Variants in USH2A observed in about 807,000 individuals in gnomAD.
USH2A encodes usherin, also known as Usher syndrome 2A (autosomal recessive, mild).
A neutral mutation model predicts 538.9 loss-of-function variants in USH2A; 443 were observed. The ratio of observed to expected loss-of-function variants is 0.82; its 90% confidence interval spans 0.76 to 0.89. USH2A has a LOEUF of 0.89. USH2A is among the 40% of genes least tolerant of loss of function. The probability of loss-of-function intolerance (pLI) is 0.00; values close to 1 mark genes in which losing one functional copy is unlikely to be tolerated. For missense variants in USH2A, 6,633 were observed against 6,324.8 expected, an observed-to-expected ratio of 1.05 and a Z score of -1.65; for synonymous variants, 2,413 against 2,273.5, an observed-to-expected ratio of 1.06 and a Z score of -1.75.
chr1:216,229,811 T>C (rs938336235), intron 14 of USH2A, among the ~76,000 whole-genome samples: 4 of 151,970 alleles, frequency 2.6e-5, no homozygotes, highest in African/African-American at 9.7e-5. Flanking sequence ...CAATTCTTGT[T>C]CCTGGACTAA....
At position 215,623,964 on chromosome 1, in the gene USH2A, T is replaced by G. The variant is rs1186960241; in HGVS notation, c.*1817A>C. On this transcript the variant is annotated 3_prime_UTR_variant, in exon 72 of 72. Coordinates refer to ENST00000307340, the MANE Select transcript of USH2A (RefSeq NM_206933.4). ...TGTGACCACTCCTTTCCTATATACC[T>G]TAAGTAGCTCACAGAAGGTGGACAC... is the stretch of plus-strand genomic sequence containing the variant. The G allele has an allele frequency of 6.6e-6, 1 of 152,164 alleles. No homozygotes were observed. The highest frequency in any genetic ancestry group is 1.5e-5 in the Non-Finnish European group (1 of 68,026). The allele number at this position is 152,164 out of a possible 1,614,324, so 9.4% of individuals were successfully genotyped here. A position where few individuals can be genotyped will look rare whatever the true frequency, so the allele number is the denominator to read the frequency against.
In USH2A at chr1:215,970,616, G is replaced by C. The variant is rs1667470197; in HGVS notation, c.6957+9C>G. 6.2e-7 allele frequency: 1 copy of C among 1,613,516 alleles called. No individual in the cohort carries two copies. The highest frequency in any genetic ancestry group is 1.7e-4 in the Middle Eastern group (1 of 6,054). On this transcript the variant is annotated intron_variant, in intron 36 of 71. Transcript: ENST00000307340. ...AACACATTCCTAGAATGTAAATTTAGATACTCACCAGTGGGCCCAGAGCAC... is the reference window on the plus strand; with the variant it reads ...AACACATTCCTAGAATGTAAATTTACATACTCACCAGTGGGCCCAGAGCAC...
intron 15 of USH2A, among the ~76,000 whole-genome samples, chr1:216,216,211 A>G (rs1335042080): frequency 1.3e-5 from 2 of 152,172 alleles, no homozygotes; most frequent in African/African-American, 2.4e-5. Context: ...GTATTTATAC[A>G]TGAAAGGAAT....
intron 61 of USH2A, among the ~76,000 whole-genome samples, chr1:215,721,422 T>C (rs1207829896): frequency 6.6e-6 from 1 of 152,144 alleles, no homozygotes; most frequent in African/African-American, 2.4e-5. Flanking sequence ...TAATCACCAG[T>C]TGCGTTGATC....
In USH2A at chr1:215,993,162, G is replaced by A. The variant is rs1668046134; in HGVS notation, c.6663C>T (p.Cys2221=). 1.2e-6 allele frequency: 2 copies of A among 1,613,992 alleles called. No individual in the cohort carries two copies. The highest frequency in any genetic ancestry group is 1.7e-6 in the Non-Finnish European group (2 of 1,179,954). Residue 2221 remains cysteine, a synonymous_variant, in exon 35 of 72, where the codon TGC becomes TGT. Transcript: ENST00000307340. ...GNKYLIKLGA[C]TGGGCTVSEA... is the part of the protein sequence containing the mutation. Reference sequence around the variant, plus strand: ...CACTCACTGTGCACCCACCACCTGTGCAAGCCTAAACAGAGATGCAAAAAT... The same window carrying A: ...CACTCACTGTGCACCCACCACCTGTACAAGCCTAAACAGAGATGCAAAAAT...
chr1:215,622,936 G>GTT lies in USH2A; in HGVS notation c.*2843_*2844dup, dbSNP rs1655839899. ...TATTAAGCAAACCATCTTTAGATTAGTTTACATGATATTTGTGCATTGGAA... is the reference window on the plus strand; with the variant it reads ...TATTAAGCAAACCATCTTTAGATTAGTTTTTACATGATATTTGTGCATTGGAA... On this transcript the variant is annotated 3_prime_UTR_variant, in exon 72 of 72. Transcript: ENST00000307340. The GTT allele has an allele frequency of 6.6e-6, 1 of 152,064 alleles. No individual in the cohort carries two copies. The highest frequency in any genetic ancestry group is 2.4e-5 in the African/African-American group (1 of 41,414). 9.4% of individuals were successfully genotyped at this position (152,064 alleles called of 1,614,324 possible).
chr1:216,119,224 G>T (rs301734), intron 21 of USH2A, among the ~76,000 whole-genome samples: 71,980 of 151,932 alleles, frequency 0.47, 17,461 homozygotes, highest in African/African-American at 0.51. Flanking sequence ...TATTCAATTT[G>T]GTAATGGTCT....
chr1:215,708,179 G>A (rs1369956760), intron 61 of USH2A, among the ~76,000 whole-genome samples: 1 of 152,082 alleles, frequency 6.6e-6, no homozygotes, highest in Non-Finnish European at 1.5e-5. Context: ...TCTGGAATCT[G>A]CTTTATTTTC....
intron 47 of USH2A, among the ~76,000 whole-genome samples, chr1:215,828,268 A>G (rs1663211038): frequency 1.3e-5 from 2 of 152,110 alleles, no homozygotes; most frequent in Non-Finnish European, 2.9e-5. Flanking sequence ...CCTGGGCGAC[A>G]CAGTGAGACC....
At chr1:216,362,035 T>C (rs1431479014) in intron 4 of USH2A, among the ~76,000 whole-genome samples, 1 of 152,182 alleles carries the variant, frequency 6.6e-6, no homozygotes, top group Admixed American at 6.6e-5. Context: ...ACGACTTTTT[T>C]TAAATGAGAG....
chr1:215,810,871 T>G (rs1476419732), intron 49 of USH2A, among the ~76,000 whole-genome samples: 12 of 152,208 alleles, frequency 7.9e-5, no homozygotes, highest in Admixed American at 6.5e-4. Flanking sequence ...TTACTAGAAC[T>G]TATTCAATTT....
chr1:216,290,958 G>A (rs369400401), intron 10 of USH2A, among the ~76,000 whole-genome samples: 20 of 152,050 alleles, frequency 1.3e-4, no homozygotes, highest in African/African-American at 3.1e-4. Context: ...CTCTCTATCC[G>A]TACCATCTGA....
chr1:215,803,944 C>T lies in USH2A; in HGVS notation c.9740-4819G>A, dbSNP rs1478977800. 2.0e-5 allele frequency among the ~76,000 whole-genome samples: 3 copies of T among 152,074 alleles called. No individual in the cohort carries two copies. The East Asian group carries it at 5.8e-4, about 29-fold the overall frequency. ...CTGGTACCAAAACAGAGATATAAAC[C>T]AAAGGAACAGAACAGAGCCCTCAGA... On this transcript the variant is annotated intron_variant, in intron 49 of 71. Transcript: ENST00000307340.
At chr1:216,050,607 T>TCTTTCCTTCTTTC (rs1553294758) in intron 30 of USH2A, among the ~76,000 whole-genome samples, 1 of 59,198 alleles carries the variant, frequency 1.7e-5, no homozygotes, top group African/African-American at 4.9e-5. Context: ...TTTCTTTCTT[T>TCTTTCCTTCTTTC]TTTTTTTTTT....
At chr1:215,684,135 G>T (rs1022261081) in intron 61 of USH2A, among the ~76,000 whole-genome samples, 2 of 152,224 alleles carry the variant, frequency 1.3e-5, no homozygotes, top group African/African-American at 4.8e-5. Context: ...TCAGAGTTTG[G>T]ATACAAATCA....
At chr1:215,933,151 A>G (rs1666405775) in intron 38 of USH2A, among the ~76,000 whole-genome samples, 1 of 151,980 alleles carries the variant, frequency 6.6e-6, no homozygotes, top group African/African-American at 2.4e-5. Flanking sequence ...GTATTACTAT[A>G]TAACTTAAAA....
intron 67 of USH2A, among the ~76,000 whole-genome samples, chr1:215,646,843 C>G (rs1453519924): frequency 6.6e-6 from 1 of 152,050 alleles, no homozygotes; most frequent in Non-Finnish European, 1.5e-5. Context: ...TCTTTTATAT[C>G]AGATTTTTTC....
chr1:215,994,679 T>C (rs1374560653), intron 34 of USH2A, among the ~76,000 whole-genome samples: 1 of 152,150 alleles, frequency 6.6e-6, no homozygotes, highest in East Asian at 1.9e-4. Context: ...GGCATGTGCC[T>C]TTCTGTGCAA....
At chr1:216,160,510 A>G (rs1441689503) in intron 21 of USH2A, among the ~76,000 whole-genome samples, 5 of 152,072 alleles carry the variant, frequency 3.3e-5, no homozygotes, top group Non-Finnish European at 5.9e-5. Flanking sequence ...GGCTCATCAC[A>G]TCTGTAATCC....
Sources: allele counts gnomAD v4.1 joint callset (sites outside exome capture counted in the v4.1 genomes callset), GRCh38; gene constraint gnomAD v4.1.1; transcripts MANE v1.5; gene names NCBI Gene and HGNC (gene_info 2026-07-23, HGNC 2026-07-21).